Variants in SNX14 observed in about 807,000 individuals in gnomAD.
The protein encoded by SNX14 is sorting nexin 14.
A neutral mutation model predicts 133.8 loss-of-function variants in SNX14; 93 were observed. That is an observed-to-expected ratio of 0.70 (90% CI 0.59 to 0.83). The LOEUF (loss-of-function observed/expected upper bound fraction) is 0.83, where lower values mean the gene tolerates loss of function less well. SNX14 is among the 40% of genes least tolerant of loss of function. The pLI, the probability that SNX14 is intolerant of heterozygous loss-of-function variation, is 0.00. For missense variants in SNX14, 945 were observed against 1,094.9 expected (o/e 0.86, Z 1.93); for synonymous variants, 368 against 365.6 (o/e 1.01, Z -0.07).
At chr6:85,574,430 A>T (rs1005903744) in intron 1 of SNX14, 52 bp from the exon 2 acceptor site, 44 of 1,334,022 alleles carry the variant, frequency 3.3e-5, no homozygotes, top group Non-Finnish European at 4.5e-5. Flanking sequence ...GCCTAATTCT[A>T]AGTTACCGCT....
intron 16 of SNX14, among the ~76,000 whole-genome samples, chr6:85,538,364 T>C (rs1189973736): frequency 1.3e-5 from 2 of 152,144 alleles, no homozygotes; most frequent in African/African-American, 4.8e-5. Flanking sequence ...TTAAAATCTC[T>C]AGACTCTAGA....
chr6:85,542,359 T>C (rs1160589149), intron 14 of SNX14, among the ~76,000 whole-genome samples: 3 of 152,226 alleles, frequency 2.0e-5, no homozygotes, highest in Admixed American at 6.5e-5. Flanking sequence ...GGTTTTGGTA[T>C]TGATAATTGT....
At chr6:85,579,914 T>C (rs1459473842) in intron 1 of SNX14, among the ~76,000 whole-genome samples, 2 of 152,214 alleles carry the variant, frequency 1.3e-5, no homozygotes, top group Non-Finnish European at 2.9e-5. Flanking sequence ...GCATGTGAAC[T>C]AGTGAGACAT....
intron 1 of SNX14, among the ~76,000 whole-genome samples, chr6:85,582,094 A>C (rs1458708624): frequency 6.6e-6 from 1 of 152,204 alleles, no homozygotes; most frequent in Non-Finnish European, 1.5e-5. Context: ...TCCTAAAAGC[A>C]CCAAGAAAAA....
intron 26 of SNX14, among the ~76,000 whole-genome samples, chr6:85,508,925 T>G (rs1003866329): frequency 2.0e-5 from 3 of 152,214 alleles, no homozygotes; most frequent in Admixed American, 6.5e-5. Flanking sequence ...AAAATTCTAA[T>G]GCTAGGAGAC....
At chr6:85,551,229 G>A (rs1202859263) in intron 7 of SNX14, among the ~76,000 whole-genome samples, 3 of 152,184 alleles carry the variant, frequency 2.0e-5, no homozygotes, top group East Asian at 3.8e-4. Context: ...ACCATAGCTC[G>A]TGAGGAAGCA....
chr6:85,560,603 C>T (rs562442839), intron 6 of SNX14, among the ~76,000 whole-genome samples: 1 of 152,248 alleles, frequency 6.6e-6, no homozygotes, highest in African/African-American at 2.4e-5. Flanking sequence ...ACCATCAAAT[C>T]ATATACTTCA....
intron 23 of SNX14, among the ~76,000 whole-genome samples, chr6:85,516,632 CTTTTTTTT>C (rs746721196): frequency 7.9e-6 from 1 of 126,426 alleles, no homozygotes; most frequent in African/African-American, 3.2e-5. Context: ...CTTCCTTAAT[CTTTTTTTT>C]TTTTTTTTTT....
In SNX14 at chr6:85,547,571, T is replaced by A. The variant is rs751225025; in HGVS notation, c.868-21A>T. On this transcript the variant is annotated intron_variant, in intron 9 of 28. Transcript: ENST00000314673. ...GTATCCTAGTGGAAAATAATAAACA[T>A]AAGTCAAAATAATTCCACTACTGTA... The A allele has an allele frequency of 2.6e-6, 4 of 1,556,520 alleles. No homozygotes were observed. The East Asian group carries it at 9.0e-5, about 35-fold the overall frequency.
intron 16 of SNX14, among the ~76,000 whole-genome samples, chr6:85,537,934 T>G (rs1782456410): frequency 1.3e-5 from 2 of 152,218 alleles, no homozygotes; most frequent in East Asian, 3.9e-4. Context: ...CAAGAAAATA[T>G]ATATAAAATA....
intron 1 of SNX14, among the ~76,000 whole-genome samples, chr6:85,587,505 T>A (rs1801314247): frequency 6.6e-6 from 1 of 152,164 alleles, no homozygotes; most frequent in African/African-American, 2.4e-5. Context: ...CGCTCTGTCA[T>A]CCCAGGCTGG....
intron 19 of SNX14, among the ~76,000 whole-genome samples, chr6:85,528,677 T>C (rs966835564): frequency 2.6e-5 from 4 of 152,162 alleles, no homozygotes; most frequent in African/African-American, 9.7e-5. Context: ...GGTGAGATTC[T>C]ACTAGACAAA....
At position 85,507,884 on chromosome 6, in the gene SNX14, T is replaced by C. The variant is rs532506473; in HGVS notation, c.2745+84A>G. Reference sequence around the variant, plus strand: ...CCTTGGTTTAGTATAGTGTCATTTATACAACTAATGAGTTACCAGACACCT... The same window carrying C: ...CCTTGGTTTAGTATAGTGTCATTTACACAACTAATGAGTTACCAGACACCT... On this transcript the variant is annotated intron_variant, in intron 27 of 28. Coordinates refer to ENST00000314673, the MANE Select transcript of SNX14 (RefSeq NM_153816.6). The C allele has an allele frequency of 2.0e-5, 20 of 989,834 alleles. No homozygotes were observed. In the East Asian group the frequency reaches 4.4e-4, roughly 22 times the overall value. The allele number at this position is 989,834 out of a possible 1,614,324, so 61.3% of individuals were successfully genotyped here. A position where few individuals can be genotyped will look rare whatever the true frequency, so the allele number is the denominator to read the frequency against.
Position 85,533,772 on chromosome 6 carries a change from T to C in SNX14, c.1637A>G (p.Asp546Gly). 1 of 1,613,480 alleles carries C rather than the reference T, an allele frequency of 6.2e-7. No homozygotes were observed. The highest frequency in any genetic ancestry group is 8.5e-7 in the Non-Finnish European group (1 of 1,179,938). Residue 546 changes from aspartate to glycine, a missense_variant, in exon 18 of 29, where the codon GAT becomes GGT. Asp to Gly is a moderately conservative substitution (Grantham distance 94). Transcript: ENST00000314673. ...FIEEGIVVME[D>G]DSPVEAVSTP... ...GCTCACAGCCTCCACTGGAGAATCA[T>C]CTTCCATTACAACAATACCTTCTTC...
chr6:85,547,413 AATT>A lies in SNX14; in HGVS notation c.913-19_913-17del. 1 of 1,611,562 alleles carries A rather than the reference AATT, an allele frequency of 6.2e-7. No homozygotes were observed. The highest frequency in any genetic ancestry group is 1.1e-5 in the South Asian group (1 of 89,998). On this transcript the variant is annotated splice_polypyrimidine_tract_variant and intron_variant, in intron 10 of 28. Transcript: ENST00000314673. ...CTTTTTCAGGCTTTGAAAGAAAGAG[AATT>A]ATTAACTCAGTAAAATTCCCACTTG...
At chr6:85,560,933 C>G (rs1562336581) in intron 6 of SNX14, among the ~76,000 whole-genome samples, 1 of 150,936 alleles carries the variant, frequency 6.6e-6, no homozygotes, top group Admixed American at 6.6e-5. Flanking sequence ...ACTCCAGAGG[C>G]TGAGGCAGGA....
Position 85,507,214 on chromosome 6 carries a change from A to G in SNX14, c.2802+19T>C. The G allele has an allele frequency of 1.3e-6, 2 of 1,599,420 alleles. No homozygotes were observed. The highest frequency in any genetic ancestry group is 1.7e-6 in the Non-Finnish European group (2 of 1,169,778). On this transcript the variant is annotated intron_variant, in intron 28 of 28. Coordinates refer to ENST00000314673, the MANE Select transcript of SNX14 (RefSeq NM_153816.6). ...TACCATTAAGAAAATCATGAATAAA[A>G]TTACTGCTTTTCAGTTACCTTATTG...
intron 19 of SNX14, among the ~76,000 whole-genome samples, chr6:85,528,611 G>A (rs922656923): frequency 6.6e-6 from 1 of 151,960 alleles, no homozygotes; most frequent in Non-Finnish European, 1.5e-5. Flanking sequence ...AGATTTTTTG[G>A]CTTTCTATCC....
At chr6:85,534,836 T>TTTG (rs1021868755) in intron 17 of SNX14, among the ~76,000 whole-genome samples, 1 of 150,830 alleles carries the variant, frequency 6.6e-6, no homozygotes, top group African/African-American at 2.4e-5. Flanking sequence ...GGAAAGTTTT[T>TTTG]TTTTTTTTTT....
Sources: allele counts gnomAD v4.1 joint callset (sites outside exome capture counted in the v4.1 genomes callset), GRCh38; gene constraint gnomAD v4.1.1; transcripts MANE v1.5; gene names NCBI Gene and HGNC (gene_info 2026-07-23, HGNC 2026-07-21).